Variants in RPSA2 observed in about 807,000 individuals in gnomAD.
The protein encoded by RPSA2 is ribosomal protein SA 2.
the RPSA2 span, among the ~76,000 whole-genome samples, chr19:23,796,181 A>G: frequency 6.6e-6 from 1 of 152,224 alleles, no homozygotes; most frequent in Non-Finnish European, 1.5e-5. Flanking sequence ...AAAAGATGTT[A>G]TATTTTATCA....
chr19:23,765,665 T>G, the RPSA2 span, among the ~76,000 whole-genome samples: 2 of 152,248 alleles, frequency 1.3e-5, no homozygotes, highest in East Asian at 3.9e-4. Flanking sequence ...AAAAATAACT[T>G]ATGGGTAGTA....
the RPSA2 span, among the ~76,000 whole-genome samples, chr19:23,841,733 TCTC>T: frequency 3.9e-5 from 6 of 152,190 alleles, no homozygotes; most frequent in East Asian, 1.9e-4. Context: ...GCTTACTCTC[TCTC>T]CTCCTCCTGT....
At chr19:23,784,316 C>G in the RPSA2 span, among the ~76,000 whole-genome samples, 4 of 152,238 alleles carry the variant, frequency 2.6e-5, no homozygotes, top group Non-Finnish European at 5.9e-5. Context: ...AGCCCACCAA[C>G]CTTTAGAATT....
chr19:23,851,677 G>A, the RPSA2 span, among the ~76,000 whole-genome samples: 22 of 152,276 alleles, frequency 1.4e-4, no homozygotes, highest in East Asian at 4.2e-3. Flanking sequence ...AGTTGTATAA[G>A]GGGTAGAAAT....
chr19:23,865,187 C>G, the RPSA2 span, among the ~76,000 whole-genome samples: 48,824 of 151,946 alleles, frequency 0.32, 8,187 homozygotes, highest in Non-Finnish European at 0.38. Flanking sequence ...GGTCAGTGCT[C>G]TAAAAAAGTA....
At chr19:23,786,288 G>T in the RPSA2 span, among the ~76,000 whole-genome samples, 9 of 152,266 alleles carry the variant, frequency 5.9e-5, no homozygotes, top group African/African-American at 2.2e-4. Context: ...GACCTGTGCG[G>T]GATTGTTAAT....
At chr19:23,800,598 G>C in the RPSA2 span, among the ~76,000 whole-genome samples, 10 of 120,662 alleles carry the variant, frequency 8.3e-5, no homozygotes, top group South Asian at 3.2e-3. Context: ...AGAGGGGCTA[G>C]AGCAGATTTC....
chr19:23,758,813 C>A, the RPSA2 span: 1 of 1,611,100 alleles, frequency 6.2e-7, no homozygotes, highest in South Asian at 1.1e-5. Flanking sequence ...GGTCAGAGGG[C>A]CATAGAGGCT....
the RPSA2 span, among the ~76,000 whole-genome samples, chr19:23,782,938 A>C: frequency 3.3e-5 from 5 of 152,018 alleles, no homozygotes; most frequent in Non-Finnish European, 5.9e-5. Flanking sequence ...ATTGTGAAAT[A>C]CTGCTGGACC....
chr19:23,824,925 C>T, the RPSA2 span, among the ~76,000 whole-genome samples: 18 of 150,828 alleles, frequency 1.2e-4, no homozygotes, highest in African/African-American at 4.4e-4. Flanking sequence ...TCTAAGATTT[C>T]CTAAATCTAG....
chr19:23,817,023 C>A, the RPSA2 span, among the ~76,000 whole-genome samples: 2 of 152,090 alleles, frequency 1.3e-5, no homozygotes, highest in Admixed American at 6.5e-5. Context: ...AAACAATATA[C>A]TTTAATGACA....
the RPSA2 span, among the ~76,000 whole-genome samples, chr19:23,840,962 C>A: frequency 4.2e-5 from 5 of 117,718 alleles, no homozygotes; most frequent in African/African-American, 1.6e-4. Flanking sequence ...AACTCCGTCT[C>A]AAAAAAAAAA....
chr19:23,789,317 C>A, the RPSA2 span, among the ~76,000 whole-genome samples: 3,327 of 152,154 alleles, frequency 0.022, 128 homozygotes, highest in African/African-American at 0.076. Flanking sequence ...CCACCAGCAG[C>A]CATCTTATAG....
the RPSA2 span, among the ~76,000 whole-genome samples, chr19:23,769,312 T>G: frequency 6.6e-6 from 1 of 152,234 alleles, no homozygotes; most frequent in Non-Finnish European, 1.5e-5. Flanking sequence ...TGAGGGGCAC[T>G]GTGTCTTAAC....
chr19:23,767,186 C>A, the RPSA2 span, among the ~76,000 whole-genome samples: 1 of 152,122 alleles, frequency 6.6e-6, no homozygotes, highest in Non-Finnish European at 1.5e-5. Flanking sequence ...AGATTATCCA[C>A]CTGCCTCGCC....
the RPSA2 span, among the ~76,000 whole-genome samples, chr19:23,843,389 A>G: frequency 6.6e-6 from 1 of 152,210 alleles, no homozygotes; most frequent in Non-Finnish European, 1.5e-5. Flanking sequence ...AGGTTCCTAA[A>G]AAGCCATTTT....
the RPSA2 span, among the ~76,000 whole-genome samples, chr19:23,780,416 G>A: frequency 6.6e-6 from 1 of 152,122 alleles, no homozygotes; most frequent in Non-Finnish European, 1.5e-5. Flanking sequence ...GGCTGAGGTG[G>A]GCGGATCACA....
At chr19:23,770,822 T>C in the RPSA2 span, among the ~76,000 whole-genome samples, 1 of 152,308 alleles carries the variant, frequency 6.6e-6, no homozygotes, top group Admixed American at 6.5e-5. Context: ...GTGGCACTTC[T>C]GCCTTATCCC....
the RPSA2 span, among the ~76,000 whole-genome samples, chr19:23,843,435 T>A: frequency 6.6e-6 from 1 of 152,228 alleles, no homozygotes; most frequent in Non-Finnish European, 1.5e-5. Flanking sequence ...GAGCATCTTT[T>A]GTCCCATACC....
Sources: allele counts gnomAD v4.1 joint callset (sites outside exome capture counted in the v4.1 genomes callset), GRCh38; gene constraint gnomAD v4.1.1; transcripts MANE v1.5; gene names NCBI Gene and HGNC (gene_info 2026-07-23, HGNC 2026-07-21).